CELF1: variants seen among roughly 807,000 people sequenced by gnomAD.
The protein encoded by CELF1 is 50 kDa nuclear polyadenylated RNA-binding protein.
Under a neutral mutation model 61.8 loss-of-function variants are expected in CELF1, and 10 were observed. The observed-to-expected ratio is 0.16, with a 90% CI of 0.10 to 0.27. The LOEUF is 0.27. Among genes scored for constraint, CELF1 ranks in the 10% least tolerant of loss-of-function variants. The pLI is 1.00. For synonymous variants in CELF1, 236 were observed against 225.1 expected (o/e 1.05, Z -0.43); for missense variants, 380 against 639.1 (o/e 0.59, Z 4.37).
At chr11:47,479,425 T>TA (rs1565758973) in intron 9 of CELF1, among the ~76,000 whole-genome samples, 1 of 152,246 alleles carries the variant, frequency 6.6e-6, no homozygotes, top group Non-Finnish European at 1.5e-5. Flanking sequence ...AAATATCAAA[T>TA]CTAAACATTT....
chr11:47,528,613 T>C (rs1487288989), intron 1 of CELF1, among the ~76,000 whole-genome samples: 2 of 151,522 alleles, frequency 1.3e-5, no homozygotes, highest in African/African-American at 4.9e-5. Context: ...CAAGATCCTG[T>C]CTCTTAAAAA....
chr11:47,472,133 G>T lies in CELF1; in HGVS notation c.*97C>A. 6.9e-7 allele frequency: 1 copy of T among 1,443,098 alleles called. No homozygotes were observed. The highest frequency in any genetic ancestry group is 9.6e-7 in the Non-Finnish European group (1 of 1,044,062). The allele number at this position is 1,443,098 out of a possible 1,614,324, so 89.4% of individuals were successfully genotyped here. On this transcript the variant is annotated 3_prime_UTR_variant, in exon 15 of 15. Transcript: ENST00000687097. ...AGAGTGGCAGGGATCAGGGTCCAGG[G>T]CTGTCAACACACAGCCTCAGGGCTT...
chr11:47,522,881 A>T (rs80320852), intron 1 of CELF1, among the ~76,000 whole-genome samples: 11 of 149,154 alleles, frequency 7.4e-5, no homozygotes, highest in African/African-American at 2.7e-4. Context: ...TCATTTATTT[A>T]AAAAAAAAAT....
chr11:47,561,167 G>C (rs7116962), intron 2 of CELF1, among the ~76,000 whole-genome samples: 24 of 144,170 alleles, frequency 1.7e-4, no homozygotes, highest in Non-Finnish European at 2.4e-4. Context: ...GTATTTCGCT[G>C]GGTGAGGTGG....
chr11:47,554,590 GCA>G (rs552129357), upstream of CELF1, among the ~76,000 whole-genome samples: 2 of 150,498 alleles, frequency 1.3e-5, no homozygotes, highest in South Asian at 2.1e-4. Context: ...CATGGCATGT[GCA>G]CACACACACA....
chr11:47,519,642 C>T (rs977310175), intron 1 of CELF1, among the ~76,000 whole-genome samples: 4 of 151,990 alleles, frequency 2.6e-5, no homozygotes, highest in South Asian at 2.1e-4. Flanking sequence ...GAGGCCAAGG[C>T]GGGTGGATCA....
chr11:47,477,174 T>C, intron 11 of CELF1, 123 bp downstream of exon 11: 1 of 1,124,992 alleles, frequency 8.9e-7, no homozygotes, highest in Non-Finnish European at 1.3e-6. Context: ...TGAAAATTTG[T>C]TGCTCATAAT....
rs570022499 is a variant in CELF1, at chr11:47,473,140, G to A, written c.1365C>T (p.Val455=). 2.8e-5 allele frequency: 45 copies of A among 1,614,094 alleles called. No homozygotes were observed. The East Asian group carries it at 8.7e-4, about 31-fold the overall frequency. ...TGTCTATGAAAACCTTGGCAGACAC[G>A]ACATTCCCAAAGGGCATAAACATCT... ...LLQMFMPFGN[V]VSAKVFIDKQ... The change falls in exon 14 of 15, where the codon GTC becomes GTT. Residue 455 remains valine (V), a synonymous_variant. Coordinates refer to ENST00000687097, the MANE Select transcript of CELF1 (RefSeq NM_001376376.1).
Position 47,466,986 on chromosome 11 carries a change from C to G in CELF1, c.*5244G>C, listed in dbSNP as rs1312309653. The G allele has an allele frequency of 6.6e-6, 1 of 152,070 alleles. No homozygotes were observed. Among genetic ancestry groups the G allele is most frequent in the African/African-American group, 2.4e-5 (1 of 41,362 alleles). The allele number at this position is 152,070 out of a possible 1,614,324, so 9.4% of individuals were successfully genotyped here. On this transcript the variant is annotated 3_prime_UTR_variant, in exon 15 of 15. Transcript: ENST00000687097. ...CTGCCCTTTCCCCCAGGCAGAGCGG[C>G]CTTGGGCATAATACCAGGCAACCTG...
intron 3 of CELF1, among the ~76,000 whole-genome samples, chr11:47,498,787 G>A (rs1424401629): frequency 1.3e-5 from 2 of 152,184 alleles, no homozygotes; most frequent in Admixed American, 6.5e-5. Flanking sequence ...GGACAGTACT[G>A]CAAGCTAACA....
intron 10 of CELF1, chr11:47,477,651 C>T: frequency 2.2e-6 from 1 of 456,624 alleles, no homozygotes; most frequent in Middle Eastern, 6.1e-4. Context: ...AATAGCATAC[C>T]ATGCCAAGTG....
rs141491362 is a variant in CELF1 at position 47,530,502 on chromosome 11, T to C, written c.-154+22490A>G. Among the ~76,000 whole-genome samples the C allele has an allele frequency of 3.0e-4, 45 of 152,302 alleles. No homozygotes were observed. In the East Asian group the frequency reaches 8.7e-3, roughly 29 times the overall value. On this transcript the variant is annotated intron_variant, in intron 1 of 14. Transcript: ENST00000687097. ...GGACATAGTCACAGATCAGACAGTT[T>C]GGTATATGTGGCACTGACTCCACGG...
chr11:47,545,994 T>C (rs1219506554), intron 1 of CELF1, among the ~76,000 whole-genome samples: 1 of 150,682 alleles, frequency 6.6e-6, no homozygotes, highest in Non-Finnish European at 1.5e-5. Context: ...CACTGCAAGC[T>C]CCGCCTCCCG....
chr11:47,516,758 G>A (rs2095577636), intron 1 of CELF1, among the ~76,000 whole-genome samples: 2 of 151,948 alleles, frequency 1.3e-5, no homozygotes, highest in Non-Finnish European at 2.9e-5. Context: ...AAGCCACCAA[G>A]CCTGGCTAAT....
intron 2 of CELF1, among the ~76,000 whole-genome samples, chr11:47,561,571 T>C (rs2097225756): frequency 6.6e-6 from 1 of 152,042 alleles, no homozygotes; most frequent in Admixed American, 6.6e-5. Flanking sequence ...CATACTCTCC[T>C]GGTGGGGATG....
At chr11:47,478,092 G>A (rs2081093760) in intron 10 of CELF1, among the ~76,000 whole-genome samples, 1 of 152,108 alleles carries the variant, frequency 6.6e-6, no homozygotes, top group Admixed American at 6.6e-5. Context: ...GAGGGGTGGG[G>A]GGAGTGGAAA....
At chr11:47,481,082 TTTTTTTTTTTTTTCTTCTTC>T (rs1565766189) in intron 9 of CELF1, among the ~76,000 whole-genome samples, 6 of 95,918 alleles carry the variant, frequency 6.3e-5, no homozygotes, top group African/African-American at 1.3e-4. Context: ...TAAACTGGGG[TTTTTTTTTTTTTTCTTCTTC>T]TTTTTTTTTT....
At chr11:47,497,763 AC>A (rs1276078559) in intron 3 of CELF1, among the ~76,000 whole-genome samples, 3 of 152,206 alleles carry the variant, frequency 2.0e-5, no homozygotes, top group African/African-American at 7.2e-5. Context: ...TAGAATAAAA[AC>A]ATCTGAATTT....
intron 1 of CELF1, among the ~76,000 whole-genome samples, chr11:47,522,434 CAGG>C (rs1395416133): frequency 6.6e-6 from 1 of 151,212 alleles, no homozygotes; most frequent in Non-Finnish European, 1.5e-5. Flanking sequence ...GAGGCTGAGT[CAGG>C]AGAACCCGGG....
Sources: gnomAD v4.1 joint callset for allele counts (sites outside exome capture counted in the v4.1 genomes callset) on GRCh38, gnomAD v4.1.1 for gene constraint, MANE v1.5 for transcripts, NCBI Gene and HGNC (gene_info 2026-07-23, HGNC 2026-07-21) for gene names.